The following TULP4 variants were observed in gnomAD, a reference collection of about 807,000 sequenced individuals.
TULP4 encodes TUB like protein 4.
Under a neutral mutation model 129.0 loss-of-function variants are expected in TULP4, and 16 were observed. The ratio of observed to expected loss-of-function variants is 0.12; its 90% CI spans 0.08 to 0.19. TULP4 has a LOEUF of 0.19. Ranked by LOEUF, TULP4 falls within the 10% of genes least tolerant of loss-of-function variation. The pLI is 1.00. For missense variants in TULP4, 1,842 were observed against 2,059.1 expected, an observed-to-expected ratio of 0.89 and a Z score of 2.04; for synonymous variants, 998 against 854.0, an observed-to-expected ratio of 1.17 and a Z score of -2.94.
rs565876567 is a variant in TULP4 at position 158,508,771 on chromosome 6, T to C, written c.*2077T>C. 7.9e-5 allele frequency: 12 copies of C among 152,748 alleles called. No individual in the cohort carries two copies. The highest frequency in any genetic ancestry group is 2.6e-4 in the Admixed American group (4 of 15,286). The allele number at this position is 152,748 out of a possible 1,614,324, so 9.5% of individuals were successfully genotyped here. ...TAGGAATTATTTTGTTGTTACGTTT[T>C]GGTGAGTTATACCCATTTTATTTAT... On this transcript the variant is annotated 3_prime_UTR_variant, in exon 14 of 14. Coordinates refer to ENST00000367097, the MANE Select transcript of TULP4 (RefSeq NM_020245.5).
chr6:158,392,990 A>ATT (rs1296627344), intron 1 of TULP4, among the ~76,000 whole-genome samples: 3 of 139,550 alleles, frequency 2.1e-5, no homozygotes, highest in Non-Finnish European at 4.7e-5. Context: ...GTATTTAAAA[A>ATT]AAAAAAAAAA....
At chr6:158,243,452 CAT>C (rs146352480) in intron 1 of TULP4, among the ~76,000 whole-genome samples, 11 of 149,058 alleles carry the variant, frequency 7.4e-5, no homozygotes, top group African/African-American at 2.2e-4. Flanking sequence ...TATATCATAT[CAT>C]ATATATATAT....
intron 3 of TULP4, among the ~76,000 whole-genome samples, chr6:158,442,647 A>G (rs752597406): frequency 5.9e-5 from 9 of 152,182 alleles, no homozygotes; most frequent in Non-Finnish European, 1.0e-4. Flanking sequence ...TCCTCATTCA[A>G]TGTATATTTA....
At chr6:158,251,530 C>T (rs957915686) in intron 1 of TULP4, among the ~76,000 whole-genome samples, 1 of 152,160 alleles carries the variant, frequency 6.6e-6, no homozygotes, top group African/African-American at 2.4e-5. Context: ...TCTCTTTGTA[C>T]ATTTAAAAAC....
At chr6:158,468,449 A>G (rs1779601300) in intron 6 of TULP4, among the ~76,000 whole-genome samples, 1 of 152,170 alleles carries the variant, frequency 6.6e-6, no homozygotes, top group South Asian at 2.1e-4. Context: ...ATTGAACCCC[A>G]GCATTATGTA....
At chr6:158,379,726 G>T (rs1004178261) in intron 1 of TULP4, among the ~76,000 whole-genome samples, 4 of 152,124 alleles carry the variant, frequency 2.6e-5, no homozygotes, top group Non-Finnish European at 5.9e-5. Context: ...TCTCGATCAG[G>T]ACAAAGAAAG....
chr6:158,293,071 C>CT (rs1367963144), intron 1 of TULP4, among the ~76,000 whole-genome samples: 3 of 152,210 alleles, frequency 2.0e-5, no homozygotes, highest in Non-Finnish European at 4.4e-5. Context: ...CTTCCACTTT[C>CT]TTTTAAACTA....
chr6:158,321,371 G>A (rs1181906045), intron 1 of TULP4, among the ~76,000 whole-genome samples: 1 of 151,774 alleles, frequency 6.6e-6, no homozygotes. Flanking sequence ...TCCTCTCTAT[G>A]TTGGCTTTAA....
At position 158,493,282 on chromosome 6, in the gene TULP4, C is replaced by T. The variant is rs1027998706; in HGVS notation, c.1632-291C>T. ...GCAGCCTTGAACTCCTGGGCTCAAGCGATCCTCCTGCCTCAGCCTCCCAAG... is the reference window on the plus strand; with the variant it reads ...GCAGCCTTGAACTCCTGGGCTCAAGTGATCCTCCTGCCTCAGCCTCCCAAG... On this transcript the variant is annotated intron_variant, in intron 9 of 13. Coordinates refer to ENST00000367097, the MANE Select transcript of TULP4 (RefSeq NM_020245.5). This position sits in a 1 kb window ranked among gnomAD's most constrained non-coding sequence, Gnocchi z 4.4. Among the ~76,000 whole-genome samples, 4 of 152,164 alleles carry T rather than the reference C, an allele frequency of 2.6e-5. No homozygotes were observed. The highest frequency in any genetic ancestry group is 7.2e-5 in the African/African-American group (3 of 41,434).
At chr6:158,367,834 G>A (rs1052693329) in intron 1 of TULP4, among the ~76,000 whole-genome samples, 36 of 151,036 alleles carry the variant, frequency 2.4e-4, no homozygotes, top group Non-Finnish European at 4.6e-4. Flanking sequence ...GAAGTTCTGG[G>A]TTTTCCATCC....
At chr6:158,374,123 T>C (rs1365774514) in intron 1 of TULP4, among the ~76,000 whole-genome samples, 2 of 152,092 alleles carry the variant, frequency 1.3e-5, no homozygotes, top group East Asian at 1.9e-4. Context: ...GATGCAGATA[T>C]TCATCAGAAG....
intron 2 of TULP4, among the ~76,000 whole-genome samples, chr6:158,426,396 A>G (rs775792230): frequency 7.2e-5 from 11 of 152,146 alleles, no homozygotes; most frequent in Admixed American, 2.0e-4. Context: ...TGATTTTTGT[A>G]TATTGTATAA....
chr6:158,253,095 C>T (rs1028747225), intron 1 of TULP4, among the ~76,000 whole-genome samples: 1 of 152,218 alleles, frequency 6.6e-6, no homozygotes, highest in Non-Finnish European at 1.5e-5. Flanking sequence ...GTCACTGCTT[C>T]TATTTTCCAT....
chr6:158,298,817 T>C (rs1383020530), intron 1 of TULP4, among the ~76,000 whole-genome samples: 2 of 152,146 alleles, frequency 1.3e-5, no homozygotes, highest in Non-Finnish European at 2.9e-5. Context: ...GCAGTGGCAA[T>C]GCCCAATGTT....
chr6:158,268,247 C>A (rs192950527), intron 1 of TULP4, among the ~76,000 whole-genome samples: 1 of 151,964 alleles, frequency 6.6e-6, no homozygotes, highest in Non-Finnish European at 1.5e-5. Flanking sequence ...CCATGTTGGT[C>A]AGGCTGGTCT....
At position 158,494,427 on chromosome 6, in the gene TULP4, G is replaced by A. The variant is rs77323876; in HGVS notation, c.1777-326G>A. Reference sequence around the variant, plus strand: ...AGGACATACTGGTACCAATGCAACCGATGTTTTCAGGCGAAATATCAAAGA... The same window carrying A: ...AGGACATACTGGTACCAATGCAACCAATGTTTTCAGGCGAAATATCAAAGA... On this transcript the variant is annotated intron_variant, in intron 10 of 13. Coordinates refer to ENST00000367097, the MANE Select transcript of TULP4 (RefSeq NM_020245.5). 3.9e-3 allele frequency among the ~76,000 whole-genome samples: 591 copies of A among 152,276 alleles called. 21 individuals carry two copies. In the East Asian group the frequency reaches 0.061, roughly 16 times the overall value.
chr6:158,236,749 T>G (rs1262716961), intron 1 of TULP4, among the ~76,000 whole-genome samples: 2 of 142,576 alleles, frequency 1.4e-5, no homozygotes, highest in African/African-American at 5.2e-5. Flanking sequence ...CACACACAGA[T>G]AAAGGATACA....
At chr6:158,357,120 GGGCAGCAC>G (rs1780667763) in intron 1 of TULP4, among the ~76,000 whole-genome samples, 1 of 152,212 alleles carries the variant, frequency 6.6e-6, no homozygotes, top group South Asian at 2.1e-4. Context: ...CAGATGGGGT[GGGCAGCAC>G]GGCCCCTAGC....
Position 158,509,230 on chromosome 6 carries a change from T to C in TULP4, c.*2536T>C, listed in dbSNP as rs577188164. The C allele has an allele frequency of 2.0e-5, 3 of 152,244 alleles. No homozygotes were observed. In the South Asian group the frequency reaches 6.2e-4, roughly 32 times the overall value. The allele number at this position is 152,244 out of a possible 1,614,324, so 9.4% of individuals were successfully genotyped here. A position where few individuals can be genotyped will look rare whatever the true frequency, so the allele number is the denominator to read the frequency against. ...GCTGGATAATTTGTAACTTTTCTAATTGGGAAAAAATTCCTATTAATCACT... is the reference window on the plus strand; with the variant it reads ...GCTGGATAATTTGTAACTTTTCTAACTGGGAAAAAATTCCTATTAATCACT... On this transcript the variant is annotated 3_prime_UTR_variant, in exon 14 of 14. Transcript: ENST00000367097.
Sources: gnomAD v4.1 joint callset for allele counts (sites outside exome capture counted in the v4.1 genomes callset) on GRCh38, gnomAD v4.1.1 for gene constraint, Gnocchi (gnomAD v3.1) non-coding constraint, MANE v1.5 for transcripts, NCBI Gene and HGNC (gene_info 2026-07-23, HGNC 2026-07-21) for gene names.